Variants in CCDC102B observed in about 807,000 individuals in gnomAD.
CCDC102B encodes the protein coiled-coil domain-containing protein 102B.
CCDC102B carries 75 observed loss-of-function variants against 57.4 expected under a neutral mutation model. The observed-to-expected ratio is 1.31, with a 90% CI of 1.08 to 1.58. The LOEUF is 1.58. CCDC102B is among the 40% of genes most tolerant of loss of function. The pLI is 0.00. For missense variants in CCDC102B, 636 were observed against 582.6 expected (o/e 1.09, Z -0.94); for synonymous variants, 206 against 201.9 (o/e 1.02, Z -0.17).
intron 6 of CCDC102B, among the ~76,000 whole-genome samples, chr18:68,907,347 C>A (rs893953456): frequency 6.6e-6 from 1 of 151,038 alleles, no homozygotes; most frequent in Non-Finnish European, 1.5e-5. Flanking sequence ...AAAAAAAAAA[C>A]GCCATTGGAA....
At chr18:68,958,602 T>C (rs1444018069) in intron 6 of CCDC102B, among the ~76,000 whole-genome samples, 1 of 152,192 alleles carries the variant, frequency 6.6e-6, no homozygotes, top group South Asian at 2.1e-4. Flanking sequence ...TACCTCTCTT[T>C]CTCTACCTCA....
intron 4 of CCDC102B, among the ~76,000 whole-genome samples, chr18:68,852,209 C>G (rs2144838558): frequency 6.6e-6 from 1 of 152,270 alleles, no homozygotes; most frequent in African/African-American, 2.4e-5. Flanking sequence ...ACAACTTGAC[C>G]TAAGTGTTCT....
intron 6 of CCDC102B, among the ~76,000 whole-genome samples, chr18:68,910,956 A>T (rs1486979694): frequency 6.6e-6 from 1 of 150,998 alleles, no homozygotes; most frequent in African/African-American, 2.4e-5. Flanking sequence ...TGAGGTTGTG[A>T]AATAAAAGGA....
At chr18:68,868,031 C>T (rs1318101972) in intron 4 of CCDC102B, among the ~76,000 whole-genome samples, 1 of 152,068 alleles carries the variant, frequency 6.6e-6, no homozygotes, top group South Asian at 2.1e-4. Context: ...AGACAATTAT[C>T]ATTGAGCATA....
intron 1 of CCDC102B, among the ~76,000 whole-genome samples, chr18:68,800,859 G>A (rs942662516): frequency 6.6e-6 from 1 of 152,068 alleles, no homozygotes; most frequent in Non-Finnish European, 1.5e-5. Context: ...AAAAAGAATA[G>A]AACTTATTTA....
rs189758849 is a variant in CCDC102B, at chr18:69,051,581, G to A, written c.1435-2449G>A. On this transcript the variant is annotated intron_variant, in intron 7 of 7. Transcript: ENST00000360242. The stretch of plus-strand genomic sequence containing the variant: ...TCAAGAATAATCAAGGTATTTCTGA[G>A]GAAAAAGAACTGGGAAAAAGAGATC... 1.3e-3 allele frequency among the ~76,000 whole-genome samples: 200 copies of A among 151,836 alleles called. 1 individual carries two copies. The highest frequency in any genetic ancestry group is 4.7e-3 in the African/African-American group (196 of 41,476).
intron 2 of CCDC102B, among the ~76,000 whole-genome samples, chr18:68,755,820 A>C (rs28667388): frequency 0.4 from 59,846 of 151,086 alleles, 12,638 homozygotes; most frequent in Non-Finnish European, 0.48. Flanking sequence ...ATCATGTAGA[A>C]GACCAATAAA....
chr18:68,871,568 A>C (rs1259347691), intron 4 of CCDC102B, among the ~76,000 whole-genome samples: 1 of 152,128 alleles, frequency 6.6e-6, no homozygotes, highest in Non-Finnish European at 1.5e-5. Flanking sequence ...TAATCTGTTC[A>C]TCAGTTTTCC....
At chr18:68,751,204 T>TA (rs2033838366) in intron 2 of CCDC102B, among the ~76,000 whole-genome samples, 1 of 152,218 alleles carries the variant, frequency 6.6e-6, no homozygotes, top group Non-Finnish European at 1.5e-5. Flanking sequence ...GATTAGTTAA[T>TA]ACTGAACCAT....
At chr18:69,022,223 A>ATATATATATATATATATAT (rs1160074383) in intron 7 of CCDC102B, among the ~76,000 whole-genome samples, 2 of 100,592 alleles carry the variant, frequency 2.0e-5, no homozygotes, top group African/African-American at 8.7e-5. Flanking sequence ...ATATATATAT[A>ATATATATATATATATATAT]ACACACACAC....
At chr18:68,724,546 C>G (rs560211952) in intron 2 of CCDC102B, among the ~76,000 whole-genome samples, 2 of 152,294 alleles carry the variant, frequency 1.3e-5, no homozygotes, top group East Asian at 3.9e-4. Context: ...GGGCAAAATG[C>G]TGCCAGTCTC....
chr18:68,897,285 C>A lies in CCDC102B; in HGVS notation c.1120C>A (p.Gln374Lys), dbSNP rs1380582532. 6.2e-7 allele frequency: 1 copy of A among 1,612,796 alleles called. No individual in the cohort carries two copies. Reference sequence around the variant, plus strand: ...GAGGGAAATACTTGAAAGAGAAAAGCAGGGACTGGAGAGAGAAAATAGAAG... The same window carrying A: ...GAGGGAAATACTTGAAAGAGAAAAGAAGGGACTGGAGAGAGAAAATAGAAG... ...DKREILEREK[Q>K]GLERENRRLK... is the part of the protein sequence containing the mutation. The change falls in exon 6 of 8, where the codon CAG becomes AAG. Residue 374 changes from glutamine to lysine, a missense_variant. Physicochemically the swap from Gln to Lys is moderately conservative, Grantham distance 53. Transcript: ENST00000360242.
At chr18:68,887,066 C>T (rs1421731835) in intron 5 of CCDC102B, among the ~76,000 whole-genome samples, 1 of 152,064 alleles carries the variant, frequency 6.6e-6, no homozygotes, top group Admixed American at 6.6e-5. Context: ...AGTTAAACAT[C>T]TTGGCCCCCA....
intron 7 of CCDC102B, among the ~76,000 whole-genome samples, chr18:69,047,635 A>G (rs1245920625): frequency 1.3e-5 from 2 of 152,142 alleles, no homozygotes; most frequent in African/African-American, 4.8e-5. Flanking sequence ...TATATCTAAA[A>G]AAACCTCATC....
At chr18:68,978,862 A>G (rs1207865698) in intron 6 of CCDC102B, among the ~76,000 whole-genome samples, 1 of 152,080 alleles carries the variant, frequency 6.6e-6, no homozygotes, top group Non-Finnish European at 1.5e-5. Context: ...TCATTAATGT[A>G]TTTGTAATAT....
At chr18:68,858,319 A>G (rs2038576712) in intron 4 of CCDC102B, among the ~76,000 whole-genome samples, 1 of 152,144 alleles carries the variant, frequency 6.6e-6, no homozygotes, top group Non-Finnish European at 1.5e-5. Context: ...TCTGGCTGTT[A>G]ACACTTTTCT....
intron 2 of CCDC102B, among the ~76,000 whole-genome samples, chr18:68,743,343 G>C (rs181143420): frequency 6.6e-6 from 1 of 152,290 alleles, no homozygotes; most frequent in East Asian, 1.9e-4. Context: ...GGGTGGTGGA[G>C]CCTGCAGTGA....
intron 2 of CCDC102B, among the ~76,000 whole-genome samples, chr18:68,750,198 A>T (rs1315446691): frequency 2.0e-5 from 3 of 152,332 alleles, no homozygotes; most frequent in Admixed American, 6.5e-5. Flanking sequence ...AAAAATGTTC[A>T]TCATCACTAG....
At chr18:68,809,893 A>G (rs1210762368) in intron 1 of CCDC102B, among the ~76,000 whole-genome samples, 1 of 152,122 alleles carries the variant, frequency 6.6e-6, no homozygotes, top group African/African-American at 2.4e-5. Context: ...ACATTGCTTT[A>G]CCTGCATTTT....
Sources: allele counts gnomAD v4.1 joint callset (sites outside exome capture counted in the v4.1 genomes callset), GRCh38; gene constraint gnomAD v4.1.1; transcripts MANE v1.5; gene names NCBI Gene and HGNC (gene_info 2026-07-23, HGNC 2026-07-21).